MTCL1: variants seen among roughly 807,000 people sequenced by gnomAD.
The protein encoded by MTCL1 is microtubule cross-linking factor 1.
A neutral mutation model predicts 141.4 loss-of-function variants in MTCL1; 79 were observed. That is an observed-to-expected ratio of 0.56 (90% CI 0.47 to 0.67). MTCL1 has a LOEUF of 0.67. Ranked by LOEUF, MTCL1 falls within the 30% of genes least tolerant of loss-of-function variation. The pLI is 0.00. For missense variants in MTCL1, 2,177 were observed against 2,113.9 expected (o/e 1.03, Z -0.59); for synonymous variants, 914 against 875.8 (o/e 1.04, Z -0.77).
chr18:8,812,097 C>G (rs1194406973), intron 11 of MTCL1, among the ~76,000 whole-genome samples: 1 of 151,900 alleles, frequency 6.6e-6, no homozygotes, highest in Non-Finnish European at 1.5e-5. Context: ...ACACAACACA[C>G]TGTAACAATT....
Position 8,824,696 on chromosome 18 carries a change from C to G in MTCL1, c.3189-3C>G, listed in dbSNP as rs747697832. 1 of 1,605,332 alleles carries G rather than the reference C, an allele frequency of 6.2e-7. No homozygotes were observed. Among genetic ancestry groups the G allele is most frequent in the South Asian group, 1.1e-5 (1 of 89,230 alleles). ...CTGACACCCTCTTTTCTGCTTTTCC[C>G]AGGGCGGTGTCCGTGTCCTCCATGT... is the stretch of plus-strand genomic sequence containing the variant. On this transcript the variant is annotated splice_region_variant and splice_polypyrimidine_tract_variant and intron_variant, in intron 14 of 16. Coordinates refer to ENST00000359865, the Ensembl canonical transcript of MTCL1.
chr18:8,786,417 A>AATGGAC, intron 7 of MTCL1: 1 of 546,368 alleles, frequency 1.8e-6, no homozygotes, highest in Non-Finnish European at 3.5e-6. Context: ...AGTCGCAGAG[A>AATGGAC]AAGAAGGGAT....
intron 1 of MTCL1, among the ~76,000 whole-genome samples, chr18:8,710,899 T>TA (rs1307077238): frequency 1.3e-5 from 2 of 148,602 alleles, no homozygotes; most frequent in Admixed American, 6.7e-5. Context: ...TTTTTTTTTT[T>TA]TTATTATACT....
intron 4 of MTCL1, among the ~76,000 whole-genome samples, chr18:8,768,880 C>T (rs2096472370): frequency 6.6e-6 from 1 of 151,208 alleles, no homozygotes; most frequent in South Asian, 2.1e-4. Context: ...CAACCTCCAC[C>T]TCCCAGGTTC....
chr18:8,712,891 A>T (rs957496099), upstream of MTCL1, among the ~76,000 whole-genome samples: 1 of 152,228 alleles, frequency 6.6e-6, no homozygotes, highest in East Asian at 1.9e-4. Flanking sequence ...AACTGGGTCT[A>T]TTTAAAGAGG....
At chr18:8,710,061 A>G (rs1182185018) in intron 1 of MTCL1, among the ~76,000 whole-genome samples, 1 of 152,166 alleles carries the variant, frequency 6.6e-6, no homozygotes, top group Non-Finnish European at 1.5e-5. Flanking sequence ...GCTGGTCTTG[A>G]ACTCCTGACT....
exon 3 of MTCL1, chr18:8,718,522 C>G (rs761516499): frequency 6.2e-7 from 1 of 1,614,170 alleles, no homozygotes; most frequent in South Asian, 1.1e-5. Context: ...GAGAACTGGA[C>G]CGCGCTAATA....
At chr18:8,829,034 GACGCTCATCACCT>G in intron 16 of MTCL1, 3 of 1,612,278 alleles carry the variant, frequency 1.9e-6, no homozygotes, top group Non-Finnish European at 2.5e-6. Flanking sequence ...GTTGGCACCT[GACGCTCATCACCT>G]GAGGGAGTTC....
chr18:8,713,806 G>A (rs1428953315), upstream of MTCL1, among the ~76,000 whole-genome samples: 1 of 152,186 alleles, frequency 6.6e-6, no homozygotes, highest in East Asian at 1.9e-4. Context: ...AGCCAGGCAT[G>A]GTGGCATGTG....
intron 1 of MTCL1, among the ~76,000 whole-genome samples, chr18:8,709,224 G>C (rs1040086523): frequency 6.6e-6 from 1 of 151,584 alleles, no homozygotes; most frequent in African/African-American, 2.4e-5. Context: ...GGATGGTCTT[G>C]CTCCGTGGCC....
chr18:8,711,583 T>C (rs549435423), intron 1 of MTCL1, among the ~76,000 whole-genome samples: 22 of 151,838 alleles, frequency 1.4e-4, no homozygotes, highest in African/African-American at 3.9e-4. Context: ...ATTGCCATTC[T>C]AACTGATGTG....
intron 1 of MTCL1, among the ~76,000 whole-genome samples, chr18:8,711,728 G>A (rs1376931642): frequency 6.6e-6 from 1 of 151,266 alleles, no homozygotes; most frequent in Admixed American, 6.6e-5. Context: ...CCCACTTTTT[G>A]ATGGGGTTGT....
chr18:8,774,542 C>G (rs1028550963), intron 4 of MTCL1, among the ~76,000 whole-genome samples: 1 of 152,080 alleles, frequency 6.6e-6, no homozygotes, highest in African/African-American at 2.4e-5. Context: ...GGCTGGAGTG[C>G]AACGGCGCCA....
Position 8,812,974 on chromosome 18 carries a change from G to A in MTCL1, c.2605-5G>A, listed in dbSNP as rs777452003. 3 of 1,606,454 alleles carry A rather than the reference G, an allele frequency of 1.9e-6. No individual in the cohort carries two copies. In the Admixed American group the frequency reaches 5.0e-5, roughly 27 times the overall value. ...GGGAATTCCTAAGTCTCTTCTCCTTGACAGCTGGAAGAGAAGACTGAGAAC... is the reference window on the plus strand; with the variant it reads ...GGGAATTCCTAAGTCTCTTCTCCTTAACAGCTGGAAGAGAAGACTGAGAAC... On this transcript the variant is annotated splice_region_variant and splice_polypyrimidine_tract_variant and intron_variant, in intron 11 of 16. Transcript: ENST00000359865.
At chr18:8,791,551 G>C (rs947279455) in intron 7 of MTCL1, among the ~76,000 whole-genome samples, 1 of 151,704 alleles carries the variant, frequency 6.6e-6, no homozygotes, top group Non-Finnish European at 1.5e-5. Context: ...AAGACTGCAG[G>C]TAATAGAATT....
intron 4 of MTCL1, among the ~76,000 whole-genome samples, chr18:8,757,995 T>G (rs1292601392): frequency 6.6e-6 from 1 of 151,346 alleles, no homozygotes; most frequent in East Asian, 1.9e-4. Context: ...CAATAATGAC[T>G]CAAAGTTGAT....
intron 4 of MTCL1, among the ~76,000 whole-genome samples, chr18:8,764,760 G>T (rs1333578170): frequency 6.6e-6 from 1 of 152,168 alleles, no homozygotes; most frequent in South Asian, 2.1e-4. Context: ...CATGGTTGCT[G>T]GACAACTGAG....
exon 10 of MTCL1, chr18:8,798,150 T>C (rs1170244597): frequency 6.3e-7 from 1 of 1,593,096 alleles, no homozygotes; most frequent in Admixed American, 1.8e-5. Context: ...TCCAGGGGGG[T>C]CACCAGGCGG....
At chr18:8,724,332 AC>A (rs2096193532) in intron 4 of MTCL1, among the ~76,000 whole-genome samples, 1 of 151,880 alleles carries the variant, frequency 6.6e-6, no homozygotes, top group Non-Finnish European at 1.5e-5. Context: ...AATTGCTTGA[AC>A]CCAGGAGGCA....
Sources: allele counts gnomAD v4.1 joint callset (sites outside exome capture counted in the v4.1 genomes callset), GRCh38; gene constraint gnomAD v4.1.1; transcripts MANE v1.5; gene names NCBI Gene and HGNC (gene_info 2026-07-23, HGNC 2026-07-21).